The following TNNI3K variants were observed in gnomAD, a reference collection of about 807,000 sequenced individuals.
The protein encoded by TNNI3K is TNNI3 interacting kinase, also known as serine/threonine-protein kinase TNNI3K.
Under a neutral mutation model 114.5 loss-of-function variants are expected in TNNI3K, and 140 were observed. The observed-to-expected ratio is 1.22, with a 90% CI of 1.07 to 1.41. The LOEUF is 1.41. TNNI3K is among the 40% of genes most tolerant of loss of function. The pLI, the probability that TNNI3K is intolerant of heterozygous loss-of-function variation, is 0.00. For missense variants in TNNI3K, 1,125 were observed against 1,007.6 expected (o/e 1.12, Z -1.58); for synonymous variants, 347 against 347.5 (o/e 1.00, Z 0.02).
intron 17 of TNNI3K, among the ~76,000 whole-genome samples, chr1:74,404,322 C>G (rs1664510899): frequency 1.3e-5 from 2 of 152,068 alleles, no homozygotes; most frequent in African/African-American, 4.8e-5. Context: ...ATCTATTGCT[C>G]TATCCCTTCT....
Position 74,430,911 on chromosome 1 carries a change from A to C in TNNI3K, c.1773-5169A>C, listed in dbSNP as rs60059347. 1.4e-3 allele frequency among the ~76,000 whole-genome samples: 209 copies of C among 152,262 alleles called. 1 individual carries two copies. The highest frequency in any genetic ancestry group is 4.9e-3 in the African/African-American group (203 of 41,570). On this transcript the variant is annotated intron_variant, in intron 17 of 24. Transcript: ENST00000326637. ...ACTCTCTAGGACTAAGAGTGACTTG[A>C]AATATTCCACAGTAAAGTCTGTCTC...
In TNNI3K at chr1:74,501,474, GTGTT is replaced by G. The variant is rs71588835; in HGVS notation, c.2351+9238_2351+9241del. Among the ~76,000 whole-genome samples the G allele has an allele frequency of 7.6e-3, 1,137 of 149,938 alleles. 10 individuals carry two copies. The highest frequency in any genetic ancestry group is 0.047 in the East Asian group (233 of 5,000). On this transcript the variant is annotated intron_variant, in intron 23 of 24. Coordinates refer to ENST00000326637, the MANE Select transcript of TNNI3K (RefSeq NM_015978.3). ...CAACTTGGAGGGTTTTTTTTGTTTT[GTGTT>G]TGTTTGTTTGTTTGTTTGTTTGTTT...
At chr1:74,434,734 T>C (rs1666048195) in intron 17 of TNNI3K, among the ~76,000 whole-genome samples, 1 of 151,990 alleles carries the variant, frequency 6.6e-6, no homozygotes, top group Non-Finnish European at 1.5e-5. Flanking sequence ...TTGTTTGACA[T>C]CCTGGAATAC....
At chr1:74,291,955 C>G (rs1657704022) in intron 5 of TNNI3K, among the ~76,000 whole-genome samples, 3 of 151,330 alleles carry the variant, frequency 2.0e-5, no homozygotes, top group Non-Finnish European at 4.4e-5. Context: ...TATCAAGTGT[C>G]CATTTAATTG....
At chr1:74,427,226 G>A (rs1271063221) in intron 17 of TNNI3K, among the ~76,000 whole-genome samples, 1 of 151,410 alleles carries the variant, frequency 6.6e-6, no homozygotes, top group African/African-American at 2.4e-5. Flanking sequence ...ATAATTTTTA[G>A]TATATTCAAA....
chr1:74,446,036 GT>G (rs1666651777), intron 20 of TNNI3K, among the ~76,000 whole-genome samples: 1 of 151,664 alleles, frequency 6.6e-6, no homozygotes, highest in African/African-American at 2.4e-5. Flanking sequence ...ATGATTTATA[GT>G]CATTTGGGTA....
intron 5 of TNNI3K, among the ~76,000 whole-genome samples, chr1:74,306,806 A>G (rs2100338789): frequency 6.6e-6 from 1 of 152,226 alleles, no homozygotes; most frequent in Non-Finnish European, 1.5e-5. Flanking sequence ...CACATTCTGT[A>G]GGTTGTCTGT....
chr1:74,512,212 G>C (rs1670263907), intron 23 of TNNI3K, among the ~76,000 whole-genome samples: 1 of 152,202 alleles, frequency 6.6e-6, no homozygotes, highest in Non-Finnish European at 1.5e-5. Context: ...TGTGTTTACT[G>C]TCAGTGATTG....
intron 23 of TNNI3K, among the ~76,000 whole-genome samples, chr1:74,524,743 C>A (rs183534620): frequency 3.3e-5 from 5 of 149,684 alleles, no homozygotes; most frequent in African/African-American, 9.9e-5. Flanking sequence ...TGACAGGCAA[C>A]TTTTTAAAAA....
In TNNI3K at chr1:74,308,804, A is replaced by C. The variant is rs558264255; in HGVS notation, c.445-22646A>C. 3.3e-5 allele frequency among the ~76,000 whole-genome samples: 5 copies of C among 152,304 alleles called. No individual in the cohort carries two copies. In the East Asian group the frequency reaches 9.7e-4, roughly 29 times the overall value. On this transcript the variant is annotated intron_variant, in intron 5 of 24. Coordinates refer to ENST00000326637, the MANE Select transcript of TNNI3K (RefSeq NM_015978.3). ...AGAGAAGACTCAAATAAGTGAAATCAGAAGTGACAAAAATAACAACAACTG... is the reference window on the plus strand; with the variant it reads ...AGAGAAGACTCAAATAAGTGAAATCCGAAGTGACAAAAATAACAACAACTG...
intron 23 of TNNI3K, among the ~76,000 whole-genome samples, chr1:74,495,588 TTAAA>T (rs1423800710): frequency 1.3e-5 from 2 of 152,190 alleles, no homozygotes; most frequent in East Asian, 1.9e-4. Context: ...TTTAAACACT[TTAAA>T]TAGTCATCTA....
intron 17 of TNNI3K, among the ~76,000 whole-genome samples, chr1:74,408,706 C>T (rs886486040): frequency 6.6e-6 from 1 of 152,174 alleles, no homozygotes; most frequent in South Asian, 2.1e-4. Context: ...TTAAATCCTT[C>T]TTTATTTAGT....
At chr1:74,450,555 A>G (rs988997239) in intron 20 of TNNI3K, among the ~76,000 whole-genome samples, 2 of 152,166 alleles carry the variant, frequency 1.3e-5, no homozygotes, top group African/African-American at 2.4e-5. Context: ...ACAAATTTAC[A>G]TGAAAAAAAA....
chr1:74,339,074 T>C (rs1331932588), intron 7 of TNNI3K, among the ~76,000 whole-genome samples: 1 of 152,152 alleles, frequency 6.6e-6, no homozygotes, highest in Non-Finnish European at 1.5e-5. Flanking sequence ...TTTTTATTCC[T>C]CTGCACAACT....
Position 74,463,527 on chromosome 1 carries a change from C to T in TNNI3K, c.2098C>T (p.Arg700Ter), listed in dbSNP as rs201182920. The T allele has an allele frequency of 1.7e-4, 274 of 1,614,130 alleles. No homozygotes were observed. Among genetic ancestry groups the T allele is most frequent in the Non-Finnish European group, 2.2e-4 (259 of 1,180,014 alleles). ...IPKPISSLLI[R>*]GWNACPEGRP... ...CAAGCCCATATCATCTCTGCTGATA[C>T]GAGGGTGGAACGCATGTCCTGAAGT... Residue 700 changes from arginine to a stop codon, truncating the protein, a stop_gained, in exon 21 of 25, where the codon CGA (arginine) becomes TGA (stop). Coordinates refer to ENST00000326637, the MANE Select transcript of TNNI3K (RefSeq NM_015978.3). LOFTEE classifies it high-confidence loss of function.
chr1:74,468,581 A>C (rs1006842207), intron 21 of TNNI3K: 1 of 152,136 alleles, frequency 6.6e-6, no homozygotes, highest in African/African-American at 2.4e-5. Context: ...AAAATAAGAA[A>C]CTTAAGTTAT....
chr1:74,435,977 G>A (rs1666103107), intron 17 of TNNI3K, 103 bp from the exon 18 acceptor site: 3 of 1,445,022 alleles, frequency 2.1e-6, no homozygotes, highest in African/African-American at 1.4e-5. Flanking sequence ...ATTCTCTAGG[G>A]CAAACAAATG....
At chr1:74,345,520 A>G (rs1660957904) in intron 9 of TNNI3K, among the ~76,000 whole-genome samples, 1 of 152,186 alleles carries the variant, frequency 6.6e-6, no homozygotes, top group Non-Finnish European at 1.5e-5. Context: ...ATGATATTTC[A>G]TGAAAGAAAA....
chr1:74,483,765 C>T (rs989183383), intron 21 of TNNI3K, among the ~76,000 whole-genome samples: 2 of 152,082 alleles, frequency 1.3e-5, no homozygotes, highest in Non-Finnish European at 2.9e-5. Flanking sequence ...AATCACATAG[C>T]GGGTAGGTAT....
Sources: gnomAD v4.1 joint callset for allele counts (sites outside exome capture counted in the v4.1 genomes callset) on GRCh38, gnomAD v4.1.1 for gene constraint, MANE v1.5 for transcripts, NCBI Gene and HGNC (gene_info 2026-07-23, HGNC 2026-07-21) for gene names.